Variants in MAP2K1 observed in about 807,000 individuals in gnomAD.
MAP2K1 encodes the protein mitogen-activated protein kinase kinase 1.
Under a neutral mutation model 46.3 loss-of-function variants are expected in MAP2K1, and 16 were observed. That is an observed-to-expected ratio of 0.35 (90% CI 0.23 to 0.52). MAP2K1 has a LOEUF of 0.52. Among genes scored for constraint, MAP2K1 ranks in the 20% least tolerant of loss-of-function variants. The pLI is 0.94. For missense variants in MAP2K1, 263 were observed against 497.1 expected (o/e 0.53, Z 4.48); for synonymous variants, 183 against 185.6 (o/e 0.99, Z 0.11).
At chr15:66,436,167 G>T (rs993035410) in intron 2 of MAP2K1, among the ~76,000 whole-genome samples, 5 of 152,158 alleles carry the variant, frequency 3.3e-5, no homozygotes, top group African/African-American at 1.2e-4. Flanking sequence ...GCCCACACTG[G>T]TAACCACTGC....
chr15:66,387,380 G>A lies in MAP2K1; in HGVS notation c.33G>A (p.Leu11=), dbSNP rs1421879667. The A allele has an allele frequency of 1.3e-6, 2 of 1,566,944 alleles. No homozygotes were observed. The highest frequency in any genetic ancestry group is 1.7e-6 in the Non-Finnish European group (2 of 1,155,096). Residue 11 remains leucine, a synonymous_variant, in exon 1 of 11, where the codon CTG becomes CTA. Coordinates refer to ENST00000307102, the MANE Select transcript of MAP2K1 (RefSeq NM_002755.4). MPKKKPTPIQ[L]NPAPDGSAVN... is the part of the protein sequence containing the mutation. ...AGAAGAAGCCGACGCCCATCCAGCT[G>A]AACCCGGCCCCCGACGGCTCTGCAG...
At chr15:66,437,939 C>T (rs549228574) in intron 3 of MAP2K1, among the ~76,000 whole-genome samples, 1 of 151,310 alleles carries the variant, frequency 6.6e-6, no homozygotes, top group Non-Finnish European at 1.5e-5. Flanking sequence ...TAGTGCTTGG[C>T]CTGGGGTGCT....
intron 1 of MAP2K1, among the ~76,000 whole-genome samples, chr15:66,427,381 A>G (rs1403556979): frequency 6.6e-6 from 1 of 151,988 alleles, no homozygotes; most frequent in African/African-American, 2.4e-5. Flanking sequence ...AACACAGTGA[A>G]ACCCCGTCTT....
intron 2 of MAP2K1, 73 bp from the exon 3 acceptor site, chr15:66,436,673 A>G: frequency 1.4e-6 from 2 of 1,442,542 alleles, no homozygotes; most frequent in Non-Finnish European, 1.9e-6. Flanking sequence ...TTAAACATTT[A>G]ACAAGACTAT....
At chr15:66,461,102 A>T (rs1892307680) in intron 5 of MAP2K1, among the ~76,000 whole-genome samples, 1 of 152,138 alleles carries the variant, frequency 6.6e-6, no homozygotes, top group Non-Finnish European at 1.5e-5. Flanking sequence ...TTGATTTGAA[A>T]ATCTGGACAC....
chr15:66,444,738 T>A, intron 5 of MAP2K1, 31 bp downstream of exon 5: 1 of 1,578,276 alleles, frequency 6.3e-7, no homozygotes, highest in African/African-American at 1.3e-5. Context: ...TATTTTGCTT[T>A]GAATTTTAGA....
chr15:66,464,120 A>G (rs184409749), intron 5 of MAP2K1, among the ~76,000 whole-genome samples: 1 of 152,244 alleles, frequency 6.6e-6, no homozygotes, highest in East Asian at 1.9e-4. Flanking sequence ...CTTTTTAAAA[A>G]CTTTTGAGAA....
chr15:66,408,639 A>G (rs1298063942), intron 1 of MAP2K1, among the ~76,000 whole-genome samples: 4 of 151,670 alleles, frequency 2.6e-5, no homozygotes, highest in Non-Finnish European at 5.9e-5. Flanking sequence ...GGAAGGTAAC[A>G]CTCCCTGTGG....
At chr15:66,445,095 G>A (rs1891829022) in intron 5 of MAP2K1, 3 of 166,178 alleles carry the variant, frequency 1.8e-5, no homozygotes, top group Non-Finnish European at 1.3e-5. Context: ...TTTATTGCTG[G>A]GTACAGTGGC....
intron 1 of MAP2K1, among the ~76,000 whole-genome samples, chr15:66,423,386 G>C (rs985478634): frequency 1.3e-5 from 2 of 151,370 alleles, no homozygotes; most frequent in Non-Finnish European, 2.9e-5. Flanking sequence ...CTCTTGATAA[G>C]GTTGTTCCCC....
At chr15:66,489,841 TC>T (rs1302400886) in intron 10 of MAP2K1, 78 bp downstream of exon 10, 54 of 1,232,364 alleles carry the variant, frequency 4.4e-5, no homozygotes, top group Non-Finnish European at 6.0e-5. Context: ...GTGCAGTACT[TC>T]CAGAGCCCAT....
intron 8 of MAP2K1, among the ~76,000 whole-genome samples, chr15:66,488,442 G>A (rs1028366591): frequency 6.6e-6 from 1 of 152,132 alleles, no homozygotes; most frequent in Admixed American, 6.5e-5. Context: ...TCAGAGCAGT[G>A]ACATCATGGA....
intron 5 of MAP2K1, among the ~76,000 whole-genome samples, chr15:66,477,452 C>G (rs1290097988): frequency 6.6e-6 from 1 of 152,188 alleles, no homozygotes; most frequent in Non-Finnish European, 1.5e-5. Context: ...TTGTCTATTC[C>G]TATAACATGG....
chr15:66,441,779 A>T (rs1296129378), intron 3 of MAP2K1, among the ~76,000 whole-genome samples: 1 of 152,086 alleles, frequency 6.6e-6, no homozygotes, highest in African/African-American at 2.4e-5. Context: ...TAGTTCTTAC[A>T]TATACAGAGG....
chr15:66,462,233 G>A (rs1482876768), intron 5 of MAP2K1, among the ~76,000 whole-genome samples: 1 of 152,130 alleles, frequency 6.6e-6, no homozygotes, highest in Non-Finnish European at 1.5e-5. Flanking sequence ...GGGGCACAGT[G>A]ACTCACACCT....
At chr15:66,419,159 T>C (rs140419088) in intron 1 of MAP2K1, among the ~76,000 whole-genome samples, 1 of 151,508 alleles carries the variant, frequency 6.6e-6, no homozygotes, top group Non-Finnish European at 1.5e-5. Context: ...CTTCTGTTTT[T>C]TTTTCCCCCC....
intron 1 of MAP2K1, among the ~76,000 whole-genome samples, chr15:66,390,234 C>T (rs34385039): frequency 0.056 from 8,558 of 152,170 alleles, 347 homozygotes; most frequent in Middle Eastern, 0.11. Flanking sequence ...GGACTGTTTC[C>T]CTGTGTTTCA....
At chr15:66,473,135 C>T (rs1382155367) in intron 5 of MAP2K1, among the ~76,000 whole-genome samples, 1 of 152,188 alleles carries the variant, frequency 6.6e-6, no homozygotes, top group Non-Finnish European at 1.5e-5. Context: ...ATCTGCTCCT[C>T]TGAGGTAGCC....
At chr15:66,480,580 T>A (rs78793850) in intron 5 of MAP2K1, among the ~76,000 whole-genome samples, 3,685 of 152,074 alleles carry the variant, frequency 0.024, 63 homozygotes, top group Non-Finnish European at 0.034. Flanking sequence ...TAAAAAAAAA[T>A]AATAATAAAT....
Sources: gnomAD v4.1 joint callset for allele counts (sites outside exome capture counted in the v4.1 genomes callset) on GRCh38, gnomAD v4.1.1 for gene constraint, MANE v1.5 for transcripts, NCBI Gene and HGNC (gene_info 2026-07-23, HGNC 2026-07-21) for gene names.